LARGE1: variants seen among roughly 807,000 people sequenced by gnomAD.
LARGE1 encodes xylosyl- and glucuronyltransferase LARGE1.
In LARGE1, 43 loss-of-function variants were observed where a neutral mutation model predicts 87.6. That is an observed-to-expected ratio of 0.49 (90% CI 0.38 to 0.63). LARGE1 has a LOEUF of 0.63. Ranked by LOEUF, LARGE1 falls within the 30% of genes least tolerant of loss-of-function variation. The pLI is 0.00. For synonymous variants in LARGE1, 434 were observed against 394.6 expected (o/e 1.10, Z -1.18); for missense variants, 802 against 1,000.2 (o/e 0.80, Z 2.67).
the LARGE1 span, among the ~76,000 whole-genome samples, chr22:33,132,527 G>GT: frequency 6.7e-6 from 1 of 149,024 alleles, no homozygotes; most frequent in East Asian, 1.9e-4. Flanking sequence ...GTCATTATTA[G>GT]TATTTTTGTA....
chr22:33,748,716 T>TC (rs2084197260), intron 2 of LARGE1, among the ~76,000 whole-genome samples: 1 of 152,242 alleles, frequency 6.6e-6, no homozygotes. Flanking sequence ...GATGGCCCTT[T>TC]CCTCTTTGTT....
intron 1 of LARGE1, among the ~76,000 whole-genome samples, chr22:33,889,654 C>A (rs1466967562): frequency 6.6e-6 from 1 of 152,006 alleles, no homozygotes; most frequent in African/African-American, 2.4e-5. Context: ...CCCGGAGGGG[C>A]TCATGGACAG....
chr22:33,764,702 G>A (rs2084844663), intron 1 of LARGE1, among the ~76,000 whole-genome samples: 1 of 152,168 alleles, frequency 6.6e-6, no homozygotes, highest in Non-Finnish European at 1.5e-5. Flanking sequence ...AGGTTACAGT[G>A]AGCAAGATTG....
At chr22:33,630,926 T>C (rs1210628979) in intron 3 of LARGE1, among the ~76,000 whole-genome samples, 1 of 151,978 alleles carries the variant, frequency 6.6e-6, no homozygotes, top group East Asian at 1.9e-4. Context: ...GATCTCGGCT[T>C]ACTGCAACTT....
At chr22:33,860,764 AG>A (rs1298502347) in intron 1 of LARGE1, among the ~76,000 whole-genome samples, 1 of 152,182 alleles carries the variant, frequency 6.6e-6, no homozygotes, top group Non-Finnish European at 1.5e-5. Context: ...GCAAACTACC[AG>A]GCCACTACCC....
At chr22:33,812,317 G>C (rs967677623) in intron 1 of LARGE1, among the ~76,000 whole-genome samples, 2 of 152,120 alleles carry the variant, frequency 1.3e-5, no homozygotes, top group Non-Finnish European at 2.9e-5. Context: ...TTCTGACACA[G>C]CATCTCACCT....
intron 10 of LARGE1, among the ~76,000 whole-genome samples, chr22:33,334,285 G>A (rs367730481): frequency 6.6e-6 from 1 of 151,752 alleles, no homozygotes; most frequent in Non-Finnish European, 1.5e-5. Flanking sequence ...ATGGTGGTGT[G>A]CACCTGTAGC....
chr22:33,119,418 C>A, the LARGE1 span, among the ~76,000 whole-genome samples: 9 of 151,986 alleles, frequency 5.9e-5, no homozygotes, highest in African/African-American at 2.2e-4. Context: ...TATTTTAGTT[C>A]CCTATAAAGT....
At chr22:33,824,863 A>C (rs1259716608) in intron 1 of LARGE1, among the ~76,000 whole-genome samples, 1 of 152,264 alleles carries the variant, frequency 6.6e-6, no homozygotes, top group African/African-American at 2.4e-5. Flanking sequence ...CACTGAATAT[A>C]ATAACAGCTA....
intron 7 of LARGE1, among the ~76,000 whole-genome samples, chr22:33,426,509 C>T (rs2066884855): frequency 1.3e-5 from 2 of 152,180 alleles, no homozygotes; most frequent in South Asian, 4.1e-4. Context: ...TGCTGGATGT[C>T]AGAGGCAGAG....
intron 6 of LARGE1, among the ~76,000 whole-genome samples, chr22:33,488,752 T>C: frequency 6.6e-6 from 1 of 152,286 alleles, no homozygotes; most frequent in East Asian, 1.9e-4. Flanking sequence ...AAATAAATCA[T>C]GCGCTAATCA....
intron 1 of LARGE1, among the ~76,000 whole-genome samples, chr22:33,832,880 T>C (rs2063011576): frequency 6.6e-6 from 1 of 152,268 alleles, no homozygotes; most frequent in Admixed American, 6.5e-5. Flanking sequence ...TAAATGTTAT[T>C]AGACGACTGT....
intron 11 of LARGE1, among the ~76,000 whole-genome samples, chr22:33,309,518 G>A: frequency 6.6e-6 from 1 of 152,146 alleles, no homozygotes. Flanking sequence ...TCCACCACGT[G>A]AGGACACAGT....
intron 2 of LARGE1, among the ~76,000 whole-genome samples, chr22:33,748,792 C>T (rs754262153): frequency 3.3e-5 from 5 of 152,224 alleles, no homozygotes; most frequent in Admixed American, 1.3e-4. Flanking sequence ...ATGGCCAATG[C>T]ATTCACAAGG....
chr22:33,464,861 T>C lies in LARGE1; in HGVS notation c.788-32596A>G, dbSNP rs1472986908. On this transcript the variant is annotated intron_variant, in intron 6 of 14. Coordinates refer to ENST00000397394, the MANE Select transcript of LARGE1 (RefSeq NM_133642.5). ...CACCCACGCACACATACACACACAC[T>C]ACACACACACTGCACACACATGCAC... Among the ~76,000 whole-genome samples, 3 of 146,958 alleles carry C rather than the reference T, an allele frequency of 2.0e-5. 1 individual carries two copies. Among genetic ancestry groups the C allele is most frequent in the African/African-American group, 7.7e-5 (3 of 39,010 alleles).
intron 1 of LARGE1, among the ~76,000 whole-genome samples, chr22:33,801,532 AT>A (rs1342659695): frequency 6.6e-6 from 1 of 151,962 alleles, no homozygotes; most frequent in African/African-American, 2.4e-5. Context: ...TCTTTTGCCC[AT>A]TTTCTAATTG....
chr22:33,182,437 G>C (rs540228394), intron 11 of LARGE1, among the ~76,000 whole-genome samples: 1 of 152,034 alleles, frequency 6.6e-6, no homozygotes, highest in African/African-American at 2.4e-5. Flanking sequence ...ATGTGTTCAT[G>C]ATTGATTTTC....
intron 6 of LARGE1, among the ~76,000 whole-genome samples, chr22:33,433,613 A>C (rs867401379): frequency 0.026 from 3,815 of 148,706 alleles, 49 homozygotes; most frequent in African/African-American, 0.092. Context: ...AAAACAAAAA[A>C]AAAAAAAAAA....
At chr22:33,491,611 C>T (rs1401444297) in intron 6 of LARGE1, among the ~76,000 whole-genome samples, 1 of 152,212 alleles carries the variant, frequency 6.6e-6, no homozygotes, top group East Asian at 1.9e-4. Flanking sequence ...AGCCTCAGCT[C>T]TTTGCCTATA....
Sources: allele counts gnomAD v4.1 joint callset (sites outside exome capture counted in the v4.1 genomes callset), GRCh38; gene constraint gnomAD v4.1.1; transcripts MANE v1.5; gene names NCBI Gene and HGNC (gene_info 2026-07-23, HGNC 2026-07-21).